DHX30: variants seen among roughly 807,000 people sequenced by gnomAD.
The protein encoded by DHX30 is DExH-box helicase 30.
In DHX30, 4 loss-of-function variants were observed where a neutral mutation model predicts 116.9. The observed-to-expected ratio is 0.03, with a 90% CI of 0.02 to 0.08. The LOEUF is 0.08. DHX30 is among the 10% of genes least tolerant of loss of function. The pLI is 1.00. For synonymous variants in DHX30, 697 were observed against 651.7 expected (o/e 1.07, Z -1.06); for missense variants, 871 against 1,595.1 (o/e 0.55, Z 7.73).
chr3:47,807,413 A>G (rs1315405691), intron 2 of DHX30, among the ~76,000 whole-genome samples: 1 of 151,000 alleles, frequency 6.6e-6, no homozygotes. Context: ...ACTTTTAAAA[A>G]GCAAAACTGG....
intron 3 of DHX30, chr3:47,816,356 CTTT>C (rs200180200): frequency 1.6e-5 from 15 of 924,050 alleles, no homozygotes; most frequent in African/African-American, 2.1e-5. Context: ...GAGCCGTCTT[CTTT>C]TTTTTTTTTT....
At chr3:47,811,446 T>G (rs1291738149) in intron 3 of DHX30, among the ~76,000 whole-genome samples, 1 of 152,142 alleles carries the variant, frequency 6.6e-6, no homozygotes, top group Admixed American at 6.6e-5. Context: ...GCCTGTTGTG[T>G]GCTTTTACGA....
intron 6 of DHX30, among the ~76,000 whole-genome samples, chr3:47,831,872 T>C (rs369517683): frequency 6.6e-6 from 1 of 151,664 alleles, no homozygotes; most frequent in African/African-American, 2.4e-5. Flanking sequence ...CTCTAAATAC[T>C]TTTCCTTGTT....
chr3:47,849,328 C>T lies in DHX30; in HGVS notation c.3066C>T (p.Gly1022=). The T allele has an allele frequency of 6.2e-7, 1 of 1,613,700 alleles. No homozygotes were observed. The change falls in exon 19 of 22, where the codon GGC becomes GGT. Residue 1022 remains glycine, a synonymous_variant. Transcript: ENST00000445061. ...EELVKGVLMA[G]LYPNLIQVRQ... ...TGGTGAAGGGCGTGCTGATGGCCGGCCTCTACCCCAACCTCATCCAGGTGC... is the reference window on the plus strand; with the variant it reads ...TGGTGAAGGGCGTGCTGATGGCCGGTCTCTACCCCAACCTCATCCAGGTGC...
In DHX30 at chr3:47,816,812, T is replaced by C. The variant is rs1576469829; in HGVS notation, c.29-1210T>C. 3.0e-6 allele frequency: 3 copies of C among 985,262 alleles called. No individual in the cohort carries two copies. In the South Asian group the frequency reaches 1.4e-4, roughly 46 times the overall value. 61.0% of individuals were successfully genotyped at this position (985,262 alleles called of 1,614,324 possible). On this transcript the variant is annotated intron_variant, in intron 3 of 21. Transcript: ENST00000445061. ...AGGACTTGCTTCTCCCCTAACATTT[T>C]GTTGTGAAAAATTTCAAAAATACTG...
intron 3 of DHX30, 161 bp from the exon 4 acceptor site, chr3:47,817,861 C>A: frequency 1.4e-6 from 1 of 705,120 alleles, no homozygotes; most frequent in Non-Finnish European, 2.6e-6. Flanking sequence ...TCCTGTGTGG[C>A]GTTGTTAGTG....
chr3:47,820,362 G>T, intron 4 of DHX30, among the ~76,000 whole-genome samples: 1 of 152,088 alleles, frequency 6.6e-6, no homozygotes, highest in Non-Finnish European at 1.5e-5. Flanking sequence ...AAGCCATGAG[G>T]ACGGATGACC....
At chr3:47,822,155 G>A (rs2036326497) in intron 4 of DHX30, 1 of 152,212 alleles carries the variant, frequency 6.6e-6, no homozygotes. Context: ...CTAGACCAGT[G>A]AGGAGAAGAA....
intron 4 of DHX30, among the ~76,000 whole-genome samples, chr3:47,820,242 A>C (rs2036238090): frequency 6.6e-6 from 1 of 151,898 alleles, no homozygotes; most frequent in Non-Finnish European, 1.5e-5. Flanking sequence ...TGAACGCAGG[A>C]GGCGGGGGTT....
intron 10 of DHX30, 23 bp from the exon 11 acceptor site, chr3:47,846,142 T>C: frequency 6.3e-7 from 1 of 1,592,502 alleles, no homozygotes. Context: ...TTTCATTGTT[T>C]TGCTTGCCTC....
At chr3:47,824,715 G>T in intron 4 of DHX30, 1 of 256,558 alleles carries the variant, frequency 3.9e-6, no homozygotes. Flanking sequence ...AACTAACTTC[G>T]CTTCCTTAGA....
intron 2 of DHX30, among the ~76,000 whole-genome samples, chr3:47,807,703 C>CAAAAAAAAAA (rs1202083372): frequency 4.0e-4 from 13 of 32,708 alleles, no homozygotes; most frequent in Non-Finnish European, 5.1e-4. Flanking sequence ...GACTCTGTCT[C>CAAAAAAAAAA]AAAAAAAAAA....
At chr3:47,807,629 C>T (rs140468698) in intron 2 of DHX30, among the ~76,000 whole-genome samples, 6,188 of 141,334 alleles carry the variant, frequency 0.044, 435 homozygotes, top group African/African-American at 0.15. Flanking sequence ...AGCTTGAACC[C>T]GGGAGGTGGA....
rs747447579 is a variant in DHX30, at chr3:47,847,547, C to T, written c.2110+11C>T. Reference sequence around the variant, plus strand: ...ACCTCATCCTGCCAGGTGAGAGCCCCGGCGGAGGGACCAGGGACCTTTGGA... The same window carrying T: ...ACCTCATCCTGCCAGGTGAGAGCCCTGGCGGAGGGACCAGGGACCTTTGGA... On this transcript the variant is annotated intron_variant, in intron 13 of 21. Transcript: ENST00000445061. The surrounding 1 kb of genome is among the most constrained non-coding windows in gnomAD (Gnocchi z 5.5). The T allele has an allele frequency of 1.3e-5, 21 of 1,586,388 alleles. No individual in the cohort carries two copies. The Admixed American group carries it at 1.4e-4, about 11-fold the overall frequency.
intron 6 of DHX30, 33 bp from the exon 7 acceptor site, chr3:47,840,844 A>G: frequency 1.2e-6 from 2 of 1,613,394 alleles, no homozygotes; most frequent in Non-Finnish European, 1.7e-6. Flanking sequence ...TAAAGATGGT[A>G]TCAATCCTTA....
Position 47,848,221 on chromosome 3 carries a change from G to C in DHX30, c.2328G>C (p.Val776=). ...CAGTGTGGGTATCAAGAGCCAATGT[G>C]ATCCAGCGCCGGGGCCGGGCGGGCC... ...LETVWVSRAN[V]IQRRGRAGRC... is the part of the protein sequence containing the mutation. Residue 776 remains valine (V), a synonymous_variant, in exon 15 of 22, where the codon GTG becomes GTC. Coordinates refer to ENST00000445061, the MANE Select transcript of DHX30 (RefSeq NM_138615.3). The surrounding 1 kb of genome is among the most constrained non-coding windows in gnomAD (Gnocchi z 9.4). 1 of 1,613,644 alleles carries C rather than the reference G, an allele frequency of 6.2e-7. No individual in the cohort carries two copies. The highest frequency in any genetic ancestry group is 8.5e-7 in the Non-Finnish European group (1 of 1,180,028).
intron 6 of DHX30, among the ~76,000 whole-genome samples, chr3:47,835,826 T>C (rs2037087197): frequency 2.0e-5 from 3 of 152,250 alleles, no homozygotes; most frequent in South Asian, 2.1e-4. Flanking sequence ...GATGCCTTTT[T>C]TTCTTGTCTG....
chr3:47,816,318 G>A, intron 3 of DHX30: 1 of 984,942 alleles, frequency 1.0e-6, no homozygotes, highest in Non-Finnish European at 1.2e-6. Flanking sequence ...AGGCAGCTCA[G>A]GGTGATGTGA....
intron 3 of DHX30, among the ~76,000 whole-genome samples, chr3:47,813,267 C>A (rs1266260854): frequency 6.6e-6 from 1 of 152,086 alleles, no homozygotes; most frequent in African/African-American, 2.4e-5. Flanking sequence ...GGTGTGAACC[C>A]AGGGGGCGGA....
Sources: gnomAD v4.1 joint callset for allele counts (sites outside exome capture counted in the v4.1 genomes callset) on GRCh38, gnomAD v4.1.1 for gene constraint, Gnocchi (gnomAD v3.1) non-coding constraint, MANE v1.5 for transcripts, NCBI Gene and HGNC (gene_info 2026-07-23, HGNC 2026-07-21) for gene names.